Variants in INVS observed in about 807,000 individuals in gnomAD.
The protein encoded by INVS is inversion of embryo turning homolog.
A neutral mutation model predicts 108.8 loss-of-function variants in INVS; 86 were observed. That is an observed-to-expected ratio of 0.79 (90% CI 0.66 to 0.95). INVS has a LOEUF of 0.95. Among genes scored for constraint, INVS ranks in the 40% least tolerant of loss-of-function variants. The pLI is 0.00. For missense variants in INVS, 1,169 were observed against 1,297.4 expected (o/e 0.90, Z 1.52); for synonymous variants, 455 against 473.5 (o/e 0.96, Z 0.51).
rs1831148746 is a variant in INVS, at chr9:100,221,476, G to A, written c.274-4586G>A. Among the ~76,000 whole-genome samples the A allele has an allele frequency of 2.0e-5, 3 of 152,008 alleles. No homozygotes were observed. In the South Asian group the frequency reaches 6.2e-4, roughly 31 times the overall value. On this transcript the variant is annotated intron_variant, in intron 3 of 16. Coordinates refer to ENST00000262457, the MANE Select transcript of INVS (RefSeq NM_014425.5). ...AGCCACTGTGCCCAGCCAGTTGCTT[G>A]TTTAGGAGAACAAACAGGTTGGCCT...
chr9:100,272,978 C>T lies in INVS; in HGVS notation c.1686C>T (p.Ile562=), dbSNP rs767346175. Residue 562 remains isoleucine, a synonymous_variant, in exon 12 of 17, where the codon ATC becomes ATT. Coordinates refer to ENST00000262457, the MANE Select transcript of INVS (RefSeq NM_014425.5). ...TACAAGACATCGCCGCCTTCAAAAT[C>T]CAAGCTGTCTACAAAGGGTACAAGG... ...AAIQDIAAFK[I]QAVYKGYKVR... The T allele has an allele frequency of 6.2e-7, 1 of 1,614,064 alleles. No individual in the cohort carries two copies. The highest frequency in any genetic ancestry group is 1.1e-5 in the South Asian group (1 of 91,074).
chr9:100,122,618 C>G (rs1827759716), intron 2 of INVS, among the ~76,000 whole-genome samples: 1 of 112,688 alleles, frequency 8.9e-6, no homozygotes, highest in Admixed American at 1.4e-4. Flanking sequence ...GAGTCTCGCT[C>G]TGTTGCCCAG....
At chr9:100,166,626 A>G (rs1829373308) in intron 3 of INVS, among the ~76,000 whole-genome samples, 1 of 152,168 alleles carries the variant, frequency 6.6e-6, no homozygotes, top group Non-Finnish European at 1.5e-5. Flanking sequence ...AGCACCTATT[A>G]ATATTTTTAT....
chr9:100,250,907 C>G (rs1282744390), intron 8 of INVS, among the ~76,000 whole-genome samples: 1 of 152,170 alleles, frequency 6.6e-6, no homozygotes, highest in African/African-American at 2.4e-5. Context: ...CTGACTTACT[C>G]CACTGTCACT....
intron 2 of INVS, among the ~76,000 whole-genome samples, chr9:100,125,205 A>G (rs2118891334): frequency 6.6e-6 from 1 of 152,294 alleles, no homozygotes; most frequent in Middle Eastern, 3.4e-3. Flanking sequence ...ATACTACCTC[A>G]TTGCTATCCT....
intron 13 of INVS, among the ~76,000 whole-genome samples, chr9:100,290,010 C>T (rs1833564077): frequency 6.6e-6 from 1 of 152,186 alleles, no homozygotes. Context: ...TATTGCTCCA[C>T]ATCCCCACCA....
At chr9:100,254,244 C>T (rs1832341250) in intron 10 of INVS, among the ~76,000 whole-genome samples, 1 of 152,112 alleles carries the variant, frequency 6.6e-6, no homozygotes, top group Non-Finnish European at 1.5e-5. Context: ...ATGTCCTTCG[C>T]CCACTTTTTG....
chr9:100,272,537 T>C (rs766511666), intron 11 of INVS, among the ~76,000 whole-genome samples: 2 of 152,206 alleles, frequency 1.3e-5, no homozygotes, highest in African/African-American at 4.8e-5. Context: ...CCTTTTTAGA[T>C]GGGGCAGGGA....
intron 12 of INVS, among the ~76,000 whole-genome samples, chr9:100,279,635 A>G (rs1034074749): frequency 3.9e-5 from 6 of 152,242 alleles, no homozygotes; most frequent in African/African-American, 1.4e-4. Flanking sequence ...CACCAGGACA[A>G]TTAACTAGAA....
intron 3 of INVS, among the ~76,000 whole-genome samples, chr9:100,195,041 C>G (rs900068917): frequency 6.6e-6 from 1 of 152,138 alleles, no homozygotes; most frequent in South Asian, 2.1e-4. Flanking sequence ...GTGAAGAGCC[C>G]CTTCCTCTGC....
chr9:100,224,092 GT>G (rs1831232385), intron 3 of INVS, among the ~76,000 whole-genome samples: 1 of 152,172 alleles, frequency 6.6e-6, no homozygotes, highest in Non-Finnish European at 1.5e-5. Flanking sequence ...TTTTAAGAAA[GT>G]TTAAGAATTT....
At chr9:100,297,294 A>T in intron 15 of INVS, 148 bp downstream of exon 15, 1 of 737,520 alleles carries the variant, frequency 1.4e-6, no homozygotes, top group Non-Finnish European at 2.4e-6. Flanking sequence ...AAAATGGTCA[A>T]AACTGCAATT....
At position 100,226,150 on chromosome 9, in the gene INVS, C is replaced by T; in HGVS notation, c.362C>T (p.Thr121Ile). The T allele has an allele frequency of 1.9e-6, 3 of 1,613,882 alleles. No individual in the cohort carries two copies. The highest frequency in any genetic ancestry group is 1.7e-6 in the Non-Finnish European group (2 of 1,179,894). Residue 121 changes from threonine (T) to isoleucine (I), a missense_variant, in exon 4 of 17, where the codon ACC (threonine) becomes ATC (isoleucine). Thr to Ile is a moderately conservative substitution (Grantham distance 89). Around this residue, in one of 3 missense-constraint regions of INVS, gnomAD observed 365 missense variants for 397.5 expected, o/e 0.92. Transcript: ENST00000262457. ...DLEEMTPLHL[T>I]TRHRSPKCLA... ...GAAGAGATGACTCCTTTGCACTTGA[C>T]CACCCGGCACAGGAGCCCTAAGTGT...
chr9:100,120,223 A>G (rs951911338), intron 2 of INVS, among the ~76,000 whole-genome samples: 2 of 152,236 alleles, frequency 1.3e-5, no homozygotes, highest in Non-Finnish European at 2.9e-5. Flanking sequence ...GAGCTAAAGT[A>G]TATTCGAGTT....
chr9:100,114,005 C>T (rs770187716), intron 2 of INVS, among the ~76,000 whole-genome samples: 9 of 152,154 alleles, frequency 5.9e-5, no homozygotes, highest in Admixed American at 3.9e-4. Flanking sequence ...GAGATGAATA[C>T]TTGATGATTA....
At chr9:100,103,978 A>G (rs1180841874) in intron 1 of INVS, among the ~76,000 whole-genome samples, 1 of 152,076 alleles carries the variant, frequency 6.6e-6, no homozygotes, top group Non-Finnish European at 1.5e-5. Flanking sequence ...CTAATGTTTA[A>G]TATTATGTGG....
Position 100,273,002 on chromosome 9 carries a change from G to T in INVS, c.1710G>T (p.Lys570Asn). 1 of 1,614,030 alleles carries T rather than the reference G, an allele frequency of 6.2e-7. No individual in the cohort carries two copies. Among genetic ancestry groups the T allele is most frequent in the African/African-American group, 1.3e-5 (1 of 74,982 alleles). The change falls in exon 12 of 17, where the codon AAG becomes AAT. Residue 570 changes from lysine to asparagine, a missense_variant. Transcript: ENST00000262457. ...FKIQAVYKGY[K>N]VRKAFRDRKN... ...TCCAAGCTGTCTACAAAGGGTACAA[G>T]GTCAGAAAAGCCTTCCGAGACAGGA... is the stretch of plus-strand genomic sequence containing the variant.
chr9:100,293,177 C>T (rs1833681344), intron 14 of INVS, 134 bp downstream of exon 14: 1 of 763,420 alleles, frequency 1.3e-6, no homozygotes, highest in South Asian at 1.5e-5. Context: ...AGAGCCTACC[C>T]ATGAAATTCA....
At chr9:100,267,207 G>GT (rs1388008386) in intron 11 of INVS, among the ~76,000 whole-genome samples, 1 of 152,048 alleles carries the variant, frequency 6.6e-6, no homozygotes, top group Non-Finnish European at 1.5e-5. Context: ...TGAGACCTAA[G>GT]TAACTGCATG....
Sources: allele counts gnomAD v4.1 joint callset (sites outside exome capture counted in the v4.1 genomes callset), GRCh38; gene constraint gnomAD v4.1.1; regional missense constraint gnomAD v4.1.1; transcripts MANE v1.5; gene names NCBI Gene and HGNC (gene_info 2026-07-23, HGNC 2026-07-21).